The following ADGRL3 variants were observed in gnomAD, a reference collection of about 807,000 sequenced individuals.
ADGRL3 encodes adhesion G protein-coupled receptor L3, also known as calcium-independent alpha-latrotoxin receptor 3.
In ADGRL3, 62 loss-of-function variants were observed where a neutral mutation model predicts 153.5. The observed-to-expected ratio is 0.40, with a 90% CI of 0.33 to 0.50. The LOEUF (loss-of-function observed/expected upper bound fraction) is 0.50, where lower values mean the gene tolerates loss of function less well. Ranked by LOEUF, ADGRL3 falls within the 20% of genes least tolerant of loss-of-function variation. The pLI, the probability that ADGRL3 is intolerant of heterozygous loss-of-function variation, is 0.47. For synonymous variants in ADGRL3, 710 were observed against 672.5 expected, an observed-to-expected ratio of 1.06 and a Z score of -0.86; for missense variants, 1,641 against 1,859.4, an observed-to-expected ratio of 0.88 and a Z score of 2.16.
chr4:61,411,164 C>T (rs1218068345), intron 2 of ADGRL3, among the ~76,000 whole-genome samples: 1 of 152,066 alleles, frequency 6.6e-6, no homozygotes, highest in African/African-American at 2.4e-5. Context: ...GTCAATTGTC[C>T]CAACAATGTC....
At chr4:61,765,610 G>A (rs4860102) in intron 8 of ADGRL3, among the ~76,000 whole-genome samples, 81,064 of 151,712 alleles carry the variant, frequency 0.53, 22,848 homozygotes, top group East Asian at 0.74. Flanking sequence ...GTATTGAGGT[G>A]GGAAGGCTAA....
chr4:61,273,460 T>C (rs1208473439), intron 1 of ADGRL3, among the ~76,000 whole-genome samples: 1 of 152,174 alleles, frequency 6.6e-6, no homozygotes, highest in African/African-American at 2.4e-5. Context: ...TTCTGCAGAG[T>C]TGCACAGATT....
At chr4:61,816,897 G>A (rs1464745364) in intron 9 of ADGRL3, among the ~76,000 whole-genome samples, 2 of 152,204 alleles carry the variant, frequency 1.3e-5, no homozygotes, top group Non-Finnish European at 2.9e-5. Flanking sequence ...CACTGCCACT[G>A]CAGGCTCAGA....
At chr4:61,912,116 G>A (rs1358213406) in intron 12 of ADGRL3, among the ~76,000 whole-genome samples, 2 of 152,052 alleles carry the variant, frequency 1.3e-5, no homozygotes, top group East Asian at 1.9e-4. Flanking sequence ...AGAAATAAAA[G>A]CAGTGATTAA....
chr4:62,037,827 A>T lies in ADGRL3; in HGVS notation c.3688A>T (p.Thr1230Ser). ...TTCAGGGAAAACATCTGGTTCTCGA[A>T]CTCCTGGACGCTACTCCACAGGCTC... Reference protein sequence around the residue: ...IGSGKTSGSRTPGRYSTGSQS... With the variant: ...IGSGKTSGSRSPGRYSTGSQS... Residue 1230 changes from threonine to serine, a missense_variant, in exon 24 of 27, where the codon ACT becomes TCT. This residue lies in a region of ADGRL3 where 517 missense variants were observed against 555.0 expected (regional missense o/e 0.93). Transcript: ENST00000683033. 6.2e-7 allele frequency: 1 copy of T among 1,613,586 alleles called. No homozygotes were observed. Among genetic ancestry groups the T allele is most frequent in the Non-Finnish European group, 8.5e-7 (1 of 1,179,722 alleles).
chr4:61,495,759 A>G (rs2098308861), intron 2 of ADGRL3, among the ~76,000 whole-genome samples: 1 of 152,166 alleles, frequency 6.6e-6, no homozygotes, highest in African/African-American at 2.4e-5. Flanking sequence ...CCTCTAGGCA[A>G]GATTCCTCAT....
At chr4:62,034,524 G>A (rs1013286281) in intron 23 of ADGRL3, among the ~76,000 whole-genome samples, 1 of 151,504 alleles carries the variant, frequency 6.6e-6, no homozygotes, top group African/African-American at 2.4e-5. Context: ...AATTATTTTT[G>A]GTTTTTATTT....
intron 21 of ADGRL3, 56 bp from the exon 22 acceptor site, chr4:62,028,799 T>A: frequency 2.1e-6 from 3 of 1,459,004 alleles, no homozygotes; most frequent in Non-Finnish European, 2.8e-6. Context: ...TATGAAATTC[T>A]TTGTCATAAA....
intron 6 of ADGRL3, among the ~76,000 whole-genome samples, chr4:61,681,165 A>T (rs1474064586): frequency 6.6e-6 from 1 of 152,010 alleles, no homozygotes; most frequent in African/African-American, 2.4e-5. Flanking sequence ...AAATTGTGTC[A>T]TCTAGAGCTG....
intron 1 of ADGRL3, among the ~76,000 whole-genome samples, chr4:61,244,354 A>G (rs1316972417): frequency 6.6e-6 from 1 of 152,060 alleles, no homozygotes; most frequent in Non-Finnish European, 1.5e-5. Flanking sequence ...TCAATTAAAC[A>G]GTATTATAGA....
intron 6 of ADGRL3, among the ~76,000 whole-genome samples, chr4:61,717,203 TGTGTGTGTGTGTGTGTGC>T (rs1196239300): frequency 3.0e-5 from 3 of 99,866 alleles, no homozygotes; most frequent in African/African-American, 1.0e-4. Flanking sequence ...TTTATGTGTG[TGTGTGTGTGTGTGTGTGC>T]GTGTGTGTGT....
chr4:61,991,660 C>A (rs2099104211), intron 19 of ADGRL3, among the ~76,000 whole-genome samples: 1 of 151,814 alleles, frequency 6.6e-6, no homozygotes, highest in African/African-American at 2.4e-5. Flanking sequence ...TTTAAAAATT[C>A]ATGCACTTGC....
At chr4:61,647,551 CT>C (rs2094073525) in intron 5 of ADGRL3, among the ~76,000 whole-genome samples, 1 of 151,944 alleles carries the variant, frequency 6.6e-6, no homozygotes, top group African/African-American at 2.4e-5. Context: ...TGACGTTAGC[CT>C]TTTCCTGGTA....
At chr4:62,021,409 A>G (rs950128420) in intron 21 of ADGRL3, among the ~76,000 whole-genome samples, 1 of 152,256 alleles carries the variant, frequency 6.6e-6, no homozygotes, top group Admixed American at 6.5e-5. Context: ...TTGCACGTCC[A>G]TGTTTTCAGT....
chr4:61,831,898 C>T (rs1162235535), intron 9 of ADGRL3, among the ~76,000 whole-genome samples: 1 of 151,624 alleles, frequency 6.6e-6, no homozygotes, highest in East Asian at 1.9e-4. Context: ...TAGCTGGCAG[C>T]AAGTCTCCGC....
chr4:61,888,376 C>T (rs914234315), intron 9 of ADGRL3, among the ~76,000 whole-genome samples: 5 of 152,272 alleles, frequency 3.3e-5, no homozygotes, highest in East Asian at 1.9e-4. Flanking sequence ...AGTGTCATAT[C>T]GCCTCTCCAT....
At position 61,909,646 on chromosome 4, in the gene ADGRL3, C is replaced by T; in HGVS notation, c.1974C>T (p.Tyr658=). 6.2e-7 allele frequency: 1 copy of T among 1,612,482 alleles called. No homozygotes were observed. ...RNHLNAGDIT[Y]SVRAMDQLVG... ...ACTTGAATGCTGGGGACATCACCTA[C>T]TCTGTCCGGGCCATGGACCAGCTGG... Residue 658 remains tyrosine (Y), a synonymous_variant, in exon 12 of 27, where the codon TAC becomes TAT. Coordinates refer to ENST00000683033, the MANE Select transcript of ADGRL3 (RefSeq NM_001387552.1).
At chr4:61,734,560 C>T (rs1417817914) in intron 8 of ADGRL3, among the ~76,000 whole-genome samples, 1 of 152,132 alleles carries the variant, frequency 6.6e-6, no homozygotes, top group East Asian at 1.9e-4. Context: ...AACTTACTCA[C>T]TATCACAAGA....
rs551922734 is a variant in ADGRL3 at position 61,769,549 on chromosome 4, G to A, written c.1399+35995G>A. On this transcript the variant is annotated intron_variant, in intron 8 of 26. Coordinates refer to ENST00000683033, the MANE Select transcript of ADGRL3 (RefSeq NM_001387552.1). The stretch of plus-strand genomic sequence containing the variant: ...CGAGTCACGGCACCAAATTTCATGC[G>A]CGTCCATGTGAAGAGACCACCAAAC... Among the ~76,000 whole-genome samples, 16 of 152,174 alleles carry A rather than the reference G, an allele frequency of 1.1e-4. No homozygotes were observed. The South Asian group carries it at 1.9e-3, about 18-fold the overall frequency.
Sources: allele counts gnomAD v4.1 joint callset (sites outside exome capture counted in the v4.1 genomes callset), GRCh38; gene constraint gnomAD v4.1.1; regional missense constraint gnomAD v4.1.1; transcripts MANE v1.5; gene names NCBI Gene and HGNC (gene_info 2026-07-23, HGNC 2026-07-21).